The following MAN1A2 variants were observed in gnomAD, a reference collection of about 807,000 sequenced individuals.
MAN1A2 encodes mannosidase alpha class 1A member 2, also known as mannosyl-oligosaccharide 1,2-alpha-mannosidase IB.
Under a neutral mutation model 75.7 loss-of-function variants are expected in MAN1A2, and 26 were observed. That is an observed-to-expected ratio of 0.34 (90% CI 0.25 to 0.48). MAN1A2 has a LOEUF of 0.48. Among genes scored for constraint, MAN1A2 ranks in the 20% least tolerant of loss-of-function variants. The pLI, the probability that MAN1A2 is intolerant of heterozygous loss-of-function variation, is 0.99. For synonymous variants in MAN1A2, 247 were observed against 264.6 expected (o/e 0.93, Z 0.65); for missense variants, 562 against 775.5 (o/e 0.72, Z 3.27).
chr1:117,527,475 A>T lies in MAN1A2; in HGVS notation c.*4518A>T, dbSNP rs1652059778. The T allele has an allele frequency of 6.6e-6, 1 of 152,000 alleles. No homozygotes were observed. Among genetic ancestry groups the T allele is most frequent in the East Asian group, 1.9e-4 (1 of 5,194 alleles). 9.4% of individuals were successfully genotyped at this position (152,000 alleles called of 1,614,324 possible). A position where few individuals can be genotyped will look rare whatever the true frequency, so the allele number is the denominator to read the frequency against. ...TTAAATCAAAAAGATGTGCGTATAT[A>T]TGGTTGTGTGTATCTGTATAACCTA... On this transcript the variant is annotated 3_prime_UTR_variant, in exon 13 of 13. Coordinates refer to ENST00000356554, the MANE Select transcript of MAN1A2 (RefSeq NM_006699.5).
intron 6 of MAN1A2, among the ~76,000 whole-genome samples, chr1:117,449,524 A>T (rs1043329731): frequency 1.3e-5 from 2 of 149,346 alleles, no homozygotes; most frequent in Non-Finnish European, 3.0e-5. Context: ...CTGCCACTGC[A>T]CTCCAGCCTG....
intron 3 of MAN1A2, among the ~76,000 whole-genome samples, chr1:117,407,388 T>A (rs989164068): frequency 1.3e-5 from 2 of 152,172 alleles, no homozygotes; most frequent in Non-Finnish European, 2.9e-5. Flanking sequence ...TATTTTTTGA[T>A]CTTTTTCTTT....
chr1:117,488,370 A>G (rs929781344), intron 8 of MAN1A2, among the ~76,000 whole-genome samples: 2 of 151,738 alleles, frequency 1.3e-5, no homozygotes, highest in African/African-American at 4.8e-5. Flanking sequence ...TAATTTTTGT[A>G]TTTTTAGTAG....
intron 6 of MAN1A2, among the ~76,000 whole-genome samples, chr1:117,453,965 A>C (rs538610147): frequency 6.6e-6 from 1 of 152,244 alleles, no homozygotes; most frequent in East Asian, 1.9e-4. Context: ...TCAAGGCAAG[A>C]CCCTCCACCA....
intron 1 of MAN1A2, among the ~76,000 whole-genome samples, chr1:117,380,428 TGCCAAATCCA>T (rs1412254549): frequency 6.6e-6 from 1 of 152,202 alleles, no homozygotes; most frequent in Non-Finnish European, 1.5e-5. Context: ...AAGAATCAAT[TGCCAAATCCA>T]GAGTCATGAA....
intron 1 of MAN1A2, among the ~76,000 whole-genome samples, chr1:117,373,074 T>C (rs1413812666): frequency 6.6e-6 from 1 of 152,198 alleles, no homozygotes; most frequent in African/African-American, 2.4e-5. Flanking sequence ...ATATGACTAT[T>C]GCACTTAAAA....
Position 117,402,179 on chromosome 1 carries a change from C to T in MAN1A2, c.303-7C>T, listed in dbSNP as rs751862412. On this transcript the variant is annotated splice_region_variant and splice_polypyrimidine_tract_variant and intron_variant, in intron 1 of 12. Transcript: ENST00000356554. ...CTGTTACGTTTTATTTCCTTCTTTT[C>T]TCACAGGGAAGAGGAAGAACGTCTG... is the stretch of plus-strand genomic sequence containing the variant. 8 of 1,598,316 alleles carry T rather than the reference C, an allele frequency of 5.0e-6. No homozygotes were observed. Among genetic ancestry groups the T allele is most frequent in the Middle Eastern group, 3.4e-4 (2 of 5,942 alleles).
At chr1:117,440,834 A>C (rs1471374071) in intron 5 of MAN1A2, among the ~76,000 whole-genome samples, 4 of 152,130 alleles carry the variant, frequency 2.6e-5, no homozygotes, top group Admixed American at 2.0e-4. Context: ...TAGATAAGAA[A>C]GTTGATTTCT....
At chr1:117,445,046 T>G (rs542377011) in intron 6 of MAN1A2, among the ~76,000 whole-genome samples, 1 of 152,172 alleles carries the variant, frequency 6.6e-6, no homozygotes, top group Non-Finnish European at 1.5e-5. Context: ...CCTATTTCAC[T>G]GAGATGTTCT....
chr1:117,373,587 C>T (rs572133380), intron 1 of MAN1A2, among the ~76,000 whole-genome samples: 22 of 151,080 alleles, frequency 1.5e-4, no homozygotes, highest in Admixed American at 7.3e-4. Flanking sequence ...AAGTGATCCT[C>T]CTGTCTTAGC....
chr1:117,501,301 A>C (rs1170099503), intron 11 of MAN1A2, among the ~76,000 whole-genome samples: 1 of 151,814 alleles, frequency 6.6e-6, no homozygotes, highest in Non-Finnish European at 1.5e-5. Context: ...AAGTTTCAGA[A>C]GTGTGCAGTG....
chr1:117,438,357 T>TA (rs1343141076), intron 5 of MAN1A2, among the ~76,000 whole-genome samples: 3 of 152,170 alleles, frequency 2.0e-5, no homozygotes, highest in African/African-American at 7.2e-5. Context: ...TTTGTGTTTT[T>TA]AAGCTAAATG....
chr1:117,420,789 A>G lies in MAN1A2; in HGVS notation c.855+140A>G, dbSNP rs560134022. ...TCTAGAACTGGTTGCTTCAGGCAGA[A>G]CTATTCCTTGGGAATAATAATTTTT... is the stretch of plus-strand genomic sequence containing the variant. On this transcript the variant is annotated intron_variant, in intron 5 of 12. Coordinates refer to ENST00000356554, the MANE Select transcript of MAN1A2 (RefSeq NM_006699.5). 1.1e-5 allele frequency: 7 copies of G among 619,006 alleles called. No homozygotes were observed. In the African/African-American group the frequency reaches 1.3e-4, roughly 12 times the overall value. 38.3% of individuals were successfully genotyped at this position (619,006 alleles called of 1,614,324 possible).
chr1:117,469,616 G>T (rs1650086676), intron 8 of MAN1A2, among the ~76,000 whole-genome samples: 1 of 152,016 alleles, frequency 6.6e-6, no homozygotes, highest in African/African-American at 2.4e-5. Flanking sequence ...CTCACTAACA[G>T]AAGGCAAACT....
intron 4 of MAN1A2, among the ~76,000 whole-genome samples, chr1:117,417,534 A>AAT (rs551507232): frequency 0.11 from 9,651 of 89,142 alleles, 947 homozygotes; most frequent in African/African-American, 0.19. Context: ...CTTGAGTTTA[A>AAT]ATATATATAT....
chr1:117,424,331 C>T (rs1341861955), intron 5 of MAN1A2, among the ~76,000 whole-genome samples: 2 of 152,168 alleles, frequency 1.3e-5, no homozygotes, highest in Non-Finnish European at 2.9e-5. Flanking sequence ...TGCCTGGTTC[C>T]TGATCCTAGG....
chr1:117,454,197 A>G (rs1649509047), intron 6 of MAN1A2, among the ~76,000 whole-genome samples: 1 of 152,210 alleles, frequency 6.6e-6, no homozygotes, highest in Admixed American at 6.5e-5. Flanking sequence ...GTAGTCTGTA[A>G]CCAGGCCCAT....
chr1:117,378,724 T>TA (rs1653237448), intron 1 of MAN1A2, among the ~76,000 whole-genome samples: 1 of 152,218 alleles, frequency 6.6e-6, no homozygotes, highest in African/African-American at 2.4e-5. Context: ...ATGATATTGT[T>TA]AGAGTTTAAA....
At chr1:117,443,158 A>G (rs1649096810) in intron 6 of MAN1A2, among the ~76,000 whole-genome samples, 1 of 151,814 alleles carries the variant, frequency 6.6e-6, no homozygotes, top group Non-Finnish European at 1.5e-5. Context: ...AGTTAGGAAC[A>G]TTTATTTTTC....
Sources: gnomAD v4.1 joint callset for allele counts (sites outside exome capture counted in the v4.1 genomes callset) on GRCh38, gnomAD v4.1.1 for gene constraint, MANE v1.5 for transcripts, NCBI Gene and HGNC (gene_info 2026-07-23, HGNC 2026-07-21) for gene names.